Variants in PPM1A observed in about 807,000 individuals in gnomAD.
PPM1A encodes protein phosphatase 1A.
A neutral mutation model predicts 35.0 loss-of-function variants in PPM1A; 7 were observed. That is an observed-to-expected ratio of 0.20 (90% CI 0.11 to 0.38). The LOEUF (loss-of-function observed/expected upper bound fraction) is 0.38, where lower values mean the gene tolerates loss of function less well. PPM1A is among the 10% of genes least tolerant of loss of function. PPM1A has a pLI of 1.00. For missense variants in PPM1A, 239 were observed against 467.8 expected (o/e 0.51, Z 4.51); for synonymous variants, 153 against 167.3 (o/e 0.91, Z 0.66).
At position 60,273,461 on chromosome 14, in the gene PPM1A, G is replaced by A. The variant is rs116202983; in HGVS notation, c.-20-9223G>A. Among the ~76,000 whole-genome samples the A allele has an allele frequency of 8.1e-3, 1,233 of 152,286 alleles. 20 individuals are homozygous for A. Among genetic ancestry groups the A allele is most frequent in the East Asian group, 0.031 (159 of 5,184 alleles). On this transcript the variant is annotated intron_variant, in intron 1 of 5. Coordinates refer to ENST00000395076, the MANE Select transcript of PPM1A (RefSeq NM_021003.5). This position sits in a 1 kb window ranked among gnomAD's most constrained non-coding sequence, Gnocchi z 4.3. ...GACAGTATGAAGTGAGATGCGGCTA[G>A]AGAAGGTACGTAGGGGCTTGACTTC...
Position 60,252,621 on chromosome 14 carries a change from T to A in PPM1A, c.-21+2944T>A, listed in dbSNP as rs186959310. ...AATATGTCCTGTCTTCCATCTCAAATAACAAATTTTAAAATTAAGTTGTGT... is the reference window on the plus strand; with the variant it reads ...AATATGTCCTGTCTTCCATCTCAAAAAACAAATTTTAAAATTAAGTTGTGT... On this transcript the variant is annotated intron_variant, in intron 1 of 5. Transcript: ENST00000395076. Among the ~76,000 whole-genome samples, 10 of 152,318 alleles carry A rather than the reference T, an allele frequency of 6.6e-5. No individual in the cohort carries two copies. In the East Asian group the frequency reaches 1.9e-3, roughly 29 times the overall value.
At chr14:60,290,861 TTATAAA>T (rs1370370524) in intron 4 of PPM1A, among the ~76,000 whole-genome samples, 3 of 152,274 alleles carry the variant, frequency 2.0e-5, no homozygotes, top group Non-Finnish European at 2.9e-5. Context: ...AGACTATAAC[TTATAAA>T]TATACTACAG....
intron 3 of PPM1A, chr14:60,288,619 G>C: frequency 1.1e-6 from 1 of 881,402 alleles, no homozygotes; most frequent in Non-Finnish European, 1.4e-6. Context: ...AAAAATAATA[G>C]ATGGTAAAAA....
chr14:60,283,664 C>A lies in PPM1A; in HGVS notation c.834+127C>A, dbSNP rs1886634171. The A allele has an allele frequency of 2.3e-6, 2 of 887,314 alleles. No individual in the cohort carries two copies. Among genetic ancestry groups the A allele is most frequent in the Admixed American group, 2.9e-5 (1 of 34,998 alleles). The allele number at this position is 887,314 out of a possible 1,614,324, so 55.0% of individuals were successfully genotyped here. Reference sequence around the variant, plus strand: ...TGGCACAACTGTAGGATACTGTTCACCAATTATGAAAATATATCATAGGAC... The same window carrying A: ...TGGCACAACTGTAGGATACTGTTCAACAATTATGAAAATATATCATAGGAC... On this transcript the variant is annotated intron_variant, in intron 2 of 5. Coordinates refer to ENST00000395076, the MANE Select transcript of PPM1A (RefSeq NM_021003.5). The surrounding 1 kb of genome is among the most constrained non-coding windows in gnomAD (Gnocchi z 6.3).
At chr14:60,259,408 T>C (rs1462286353) in intron 1 of PPM1A, among the ~76,000 whole-genome samples, 1 of 152,078 alleles carries the variant, frequency 6.6e-6, no homozygotes, top group Non-Finnish European at 1.5e-5. Context: ...ATGCTCTATG[T>C]GAGGTGTTTT....
intron 1 of PPM1A, among the ~76,000 whole-genome samples, chr14:60,253,281 A>G (rs1882659965): frequency 6.6e-6 from 1 of 152,130 alleles, no homozygotes; most frequent in Admixed American, 6.5e-5. Context: ...AGACTAAACT[A>G]CTTCTAGATA....
intron 1 of PPM1A, among the ~76,000 whole-genome samples, chr14:60,264,554 A>G (rs1230274947): frequency 1.3e-5 from 2 of 152,236 alleles, no homozygotes; most frequent in African/African-American, 2.4e-5. Flanking sequence ...ACACATTTCT[A>G]TGATATGCTT....
At chr14:60,287,750 C>T in intron 3 of PPM1A, 1 of 983,058 alleles carries the variant, frequency 1.0e-6, no homozygotes, top group Non-Finnish European at 1.2e-6. Context: ...TGAAAAGATT[C>T]AGCTCATAAT....
At chr14:60,287,659 C>T in intron 3 of PPM1A, 1 of 985,302 alleles carries the variant, frequency 1.0e-6, no homozygotes, top group South Asian at 4.7e-5. Flanking sequence ...TCTCTGTCCA[C>T]ACCATAGAAA....
At chr14:60,255,541 A>G (rs1285268464) in intron 1 of PPM1A, among the ~76,000 whole-genome samples, 2 of 152,224 alleles carry the variant, frequency 1.3e-5, no homozygotes, top group Non-Finnish European at 2.9e-5. Flanking sequence ...AAAGGGAAAA[A>G]TAAATTTTTA....
Position 60,249,281 on chromosome 14 carries a change from G to C in PPM1A, c.-417G>C, listed in dbSNP as rs1200152781. On this transcript the variant is annotated 5_prime_UTR_variant, in exon 1 of 6. Coordinates refer to ENST00000395076, the MANE Select transcript of PPM1A (RefSeq NM_021003.5). This position sits in a 1 kb window ranked among gnomAD's most constrained non-coding sequence, Gnocchi z 4.5. ...CGGGAGCGCGCGCGGGAGCTAGAGA[G>C]CAGTGGTCTCGGCGCTCGTCCGGCC... is the stretch of plus-strand genomic sequence containing the variant. 1 of 984,784 alleles carries C rather than the reference G, an allele frequency of 1.0e-6. No homozygotes were observed. Among genetic ancestry groups the C allele is most frequent in the African/African-American group, 1.8e-5 (1 of 56,716 alleles). 61.0% of individuals were successfully genotyped at this position (984,784 alleles called of 1,614,324 possible).
upstream of PPM1A, among the ~76,000 whole-genome samples, chr14:60,246,898 CTCT>C (rs1360681443): frequency 1.3e-5 from 2 of 152,194 alleles, no homozygotes; most frequent in East Asian, 1.9e-4. Context: ...ATTTCTCTCC[CTCT>C]TCTTCTACAA....
At chr14:60,250,885 GA>G (rs1435682111) in intron 1 of PPM1A, among the ~76,000 whole-genome samples, 7 of 152,170 alleles carry the variant, frequency 4.6e-5, no homozygotes, top group African/African-American at 1.2e-4. Context: ...AACTCTCTTT[GA>G]AACACTTTAC....
chr14:60,252,310 A>G (rs1882523753), intron 1 of PPM1A, among the ~76,000 whole-genome samples: 1 of 152,244 alleles, frequency 6.6e-6, no homozygotes, highest in Non-Finnish European at 1.5e-5. Context: ...TGTAGAAATA[A>G]TATAACAAGG....
intron 3 of PPM1A, chr14:60,287,907 A>C: frequency 1.0e-6 from 1 of 985,308 alleles, no homozygotes; most frequent in African/African-American, 1.7e-5. Context: ...AACTTGGTGG[A>C]GGGGAGTGGA....
At position 60,297,979 on chromosome 14, in the gene PPM1A, T is replaced by C. The variant is rs980942105; in HGVS notation, c.*5497T>C. ...AAAGTATATTTCTAGGGCATGAAAATAACTTGAGTCTATTTTAAGGAATTG... is the reference window on the plus strand; with the variant it reads ...AAAGTATATTTCTAGGGCATGAAAACAACTTGAGTCTATTTTAAGGAATTG... On this transcript the variant is annotated 3_prime_UTR_variant, in exon 6 of 6. Coordinates refer to ENST00000395076, the MANE Select transcript of PPM1A (RefSeq NM_021003.5). 6.6e-6 allele frequency: 1 copy of C among 151,542 alleles called. No individual in the cohort carries two copies. Among genetic ancestry groups the C allele is most frequent in the Non-Finnish European group, 1.5e-5 (1 of 67,654 alleles). The allele number at this position is 151,542 out of a possible 1,614,324, so 9.4% of individuals were successfully genotyped here.
Position 60,269,757 on chromosome 14 carries a change from C to G in PPM1A, c.-20-12927C>G, listed in dbSNP as rs192109652. Among the ~76,000 whole-genome samples the G allele has an allele frequency of 2.0e-5, 3 of 152,246 alleles. No individual in the cohort carries two copies. The East Asian group carries it at 5.8e-4, about 29-fold the overall frequency. On this transcript the variant is annotated intron_variant, in intron 1 of 5. Coordinates refer to ENST00000395076, the MANE Select transcript of PPM1A (RefSeq NM_021003.5). ...AGAGATGGGGTTTTGTCATGTTGGCCAGGCTGATCTCAAACTCCTGACCTC... is the reference window on the plus strand; with the variant it reads ...AGAGATGGGGTTTTGTCATGTTGGCGAGGCTGATCTCAAACTCCTGACCTC...
intron 1 of PPM1A, among the ~76,000 whole-genome samples, chr14:60,258,827 A>T (rs1883428683): frequency 1.3e-5 from 2 of 152,106 alleles, no homozygotes; most frequent in African/African-American, 4.8e-5. Flanking sequence ...TGTGTTAAAT[A>T]TGAACAAAAA....
intron 1 of PPM1A, among the ~76,000 whole-genome samples, chr14:60,259,051 G>A (rs1213009642): frequency 6.6e-6 from 1 of 151,994 alleles, no homozygotes; most frequent in African/African-American, 2.4e-5. Flanking sequence ...GGAGGTAGGT[G>A]GTTACACATT....
Sources: gnomAD v4.1 joint callset for allele counts (sites outside exome capture counted in the v4.1 genomes callset) on GRCh38, gnomAD v4.1.1 for gene constraint, Gnocchi (gnomAD v3.1) non-coding constraint, MANE v1.5 for transcripts, NCBI Gene and HGNC (gene_info 2026-07-23, HGNC 2026-07-21) for gene names.